Variants in FYTTD1 observed in about 807,000 individuals in gnomAD.
FYTTD1 encodes UAP56-interacting factor.
Under a neutral mutation model 40.9 loss-of-function variants are expected in FYTTD1, and 22 were observed. The observed-to-expected ratio is 0.54, with a 90% CI of 0.38 to 0.77. FYTTD1 has a LOEUF of 0.77. Among genes scored for constraint, FYTTD1 ranks in the 30% least tolerant of loss-of-function variants. The pLI, the probability that FYTTD1 is intolerant of heterozygous loss-of-function variation, is 0.00. For synonymous variants in FYTTD1, 140 were observed against 137.9 expected (o/e 1.01, Z -0.10); for missense variants, 351 against 392.2 (o/e 0.90, Z 0.89).
In FYTTD1 at chr3:197,776,919, G is replaced by T. The variant is rs1729892183; in HGVS notation, c.657-8G>T. ...TTAATGAATTTTTTTTATTTTTTTT[G>T]AAACTAGATGGCGGACTTCCACCAC... On this transcript the variant is annotated splice_polypyrimidine_tract_variant and splice_region_variant and intron_variant, in intron 6 of 8. Coordinates refer to ENST00000241502, the MANE Select transcript of FYTTD1 (RefSeq NM_032288.7). 10 of 1,580,792 alleles carry T rather than the reference G, an allele frequency of 6.3e-6. No homozygotes were observed. Among genetic ancestry groups the T allele is most frequent in the Non-Finnish European group, 7.8e-6 (9 of 1,156,266 alleles).
intron 1 of FYTTD1, among the ~76,000 whole-genome samples, chr3:197,752,286 T>G (rs1396487432): frequency 1.3e-5 from 2 of 152,238 alleles, no homozygotes; most frequent in Admixed American, 6.5e-5. Flanking sequence ...TCTGCCACTT[T>G]GTAACCATGT....
chr3:197,755,898 G>A (rs1293851925), intron 1 of FYTTD1: 1 of 1,377,824 alleles, frequency 7.3e-7, no homozygotes, highest in Admixed American at 2.0e-5. Context: ...ACGCTTCTGC[G>A]ATTATGGGAA....
chr3:197,776,529 GT>G (rs112717412), intron 6 of FYTTD1, among the ~76,000 whole-genome samples: 3 of 146,372 alleles, frequency 2.0e-5, no homozygotes, highest in Admixed American at 6.9e-5. Context: ...CTGCAGCAAG[GT>G]TTTTTTTTTA....
chr3:197,762,157 T>C (rs1729407350), intron 2 of FYTTD1, among the ~76,000 whole-genome samples: 1 of 152,220 alleles, frequency 6.6e-6, no homozygotes, highest in African/African-American at 2.4e-5. Flanking sequence ...TTTCAACATG[T>C]GAATTTTGGA....
chr3:197,780,885 G>C (rs1730011670), intron 8 of FYTTD1, among the ~76,000 whole-genome samples: 1 of 151,434 alleles, frequency 6.6e-6, no homozygotes, highest in Non-Finnish European at 1.5e-5. Context: ...GATTCTCTTT[G>C]TCAGATTGAG....
rs1730159081 is a variant in FYTTD1 at position 197,786,519 on chromosome 3, G to T, written c.*4610G>T. On this transcript the variant is annotated 3_prime_UTR_variant, in exon 9 of 9. Coordinates refer to ENST00000241502, the MANE Select transcript of FYTTD1 (RefSeq NM_032288.7). ...CGTCTTATGAGTGTATTCAGATGAG[G>T]TATACCAGTGTTTAAAGATTAGTTG... is the stretch of plus-strand genomic sequence containing the variant. The T allele has an allele frequency of 6.6e-6, 1 of 152,080 alleles. No homozygotes were observed. Among genetic ancestry groups the T allele is most frequent in the Admixed American group, 6.5e-5 (1 of 15,272 alleles). The allele number at this position is 152,080 out of a possible 1,614,324, so 9.4% of individuals were successfully genotyped here. A position where few individuals can be genotyped will look rare whatever the true frequency, so the allele number is the denominator to read the frequency against.
At chr3:197,750,963 G>A (rs1163274729) in intron 1 of FYTTD1, 2 of 513,082 alleles carry the variant, frequency 3.9e-6, no homozygotes, top group Non-Finnish European at 5.0e-6. Context: ...AGCTTAGGTG[G>A]GCTAAAAGTA....
At chr3:197,779,377 T>C (rs968286971) in intron 8 of FYTTD1, among the ~76,000 whole-genome samples, 1 of 151,242 alleles carries the variant, frequency 6.6e-6, no homozygotes, top group Non-Finnish European at 1.5e-5. Flanking sequence ...ATCGTGCCAC[T>C]CACTCCAGCC....
intron 2 of FYTTD1, among the ~76,000 whole-genome samples, chr3:197,761,365 A>C (rs919269717): frequency 3.3e-5 from 5 of 150,740 alleles, no homozygotes; most frequent in African/African-American, 1.2e-4. Context: ...GAATGTATAG[A>C]ATTGTTCTTC....
intron 7 of FYTTD1, 80 bp from the exon 8 acceptor site, chr3:197,778,258 C>T (rs1034947088): frequency 8.7e-7 from 1 of 1,146,486 alleles, no homozygotes; most frequent in Non-Finnish European, 1.2e-6. Flanking sequence ...AACATGTGTA[C>T]AAGATGTCTT....
chr3:197,758,513 G>T (rs1359166490), intron 2 of FYTTD1, among the ~76,000 whole-genome samples: 1 of 152,174 alleles, frequency 6.6e-6, no homozygotes, highest in African/African-American at 2.4e-5. Flanking sequence ...TAGTATTATA[G>T]GACTTTAGAG....
intron 2 of FYTTD1, among the ~76,000 whole-genome samples, chr3:197,766,189 T>C (rs1175255077): frequency 6.6e-6 from 1 of 150,580 alleles, no homozygotes; most frequent in Non-Finnish European, 1.5e-5. Flanking sequence ...AGAGTTTGCT[T>C]TACTGTTTAA....
At position 197,758,117 on chromosome 3, in the gene FYTTD1, G is replaced by T. The variant is rs148867023; in HGVS notation, c.235+1560G>T. ...AGGGTTTCTCCACGTTGGTCAGGCT[G>T]GTCTCGAACTCCCAGCCTCAGGTGA... On this transcript the variant is annotated intron_variant, in intron 2 of 8. Transcript: ENST00000241502. 4.3e-3 allele frequency among the ~76,000 whole-genome samples: 656 copies of T among 151,794 alleles called. 6 individuals carry two copies. Among genetic ancestry groups the T allele is most frequent in the African/African-American group, 0.015 (635 of 41,422 alleles).
chr3:197,779,947 G>A (rs926494155), intron 8 of FYTTD1, among the ~76,000 whole-genome samples: 2 of 144,744 alleles, frequency 1.4e-5, no homozygotes, highest in South Asian at 4.4e-4. Flanking sequence ...CACACCTGGG[G>A]ATACAGGCAC....
chr3:197,776,294 C>A (rs575508973), intron 6 of FYTTD1, among the ~76,000 whole-genome samples: 1 of 151,640 alleles, frequency 6.6e-6, no homozygotes, highest in Non-Finnish European at 1.5e-5. Flanking sequence ...CAACCTCCCC[C>A]TCCCGGGTTC....
At chr3:197,765,469 A>G (rs1729517283) in intron 2 of FYTTD1, among the ~76,000 whole-genome samples, 1 of 152,192 alleles carries the variant, frequency 6.6e-6, no homozygotes, top group Admixed American at 6.5e-5. Context: ...TATTGGAATT[A>G]ATTTTAATGT....
rs1730120148 is a variant in FYTTD1, at chr3:197,784,817, A to G, written c.*2908A>G. On this transcript the variant is annotated 3_prime_UTR_variant, in exon 9 of 9. Transcript: ENST00000241502. The stretch of plus-strand genomic sequence containing the variant: ...AAAAAACAAAAAAAAAGAATCCAGT[A>G]TACTTTGCAATGCAGAATATTGGGT... 6.6e-6 allele frequency: 1 copy of G among 152,146 alleles called. No individual in the cohort carries two copies. The highest frequency in any genetic ancestry group is 1.5e-5 in the Non-Finnish European group (1 of 68,034). The allele number at this position is 152,146 out of a possible 1,614,324, so 9.4% of individuals were successfully genotyped here. A position where few individuals can be genotyped will look rare whatever the true frequency, so the allele number is the denominator to read the frequency against.
chr3:197,750,540 G>A, intron 1 of FYTTD1: 1 of 985,718 alleles, frequency 1.0e-6, no homozygotes, highest in Non-Finnish European at 1.2e-6. Context: ...CCGGGGCTGC[G>A]GTCGGTTAAA....
intron 2 of FYTTD1, among the ~76,000 whole-genome samples, chr3:197,765,997 A>G (rs1354224770): frequency 6.6e-6 from 1 of 151,698 alleles, no homozygotes; most frequent in Non-Finnish European, 1.5e-5. Context: ...CTCTGTCTCA[A>G]AAAAATATGT....
Sources: allele counts gnomAD v4.1 joint callset (sites outside exome capture counted in the v4.1 genomes callset), GRCh38; gene constraint gnomAD v4.1.1; transcripts MANE v1.5; gene names NCBI Gene and HGNC (gene_info 2026-07-23, HGNC 2026-07-21).